The following FLT3 variants were observed in gnomAD, a reference collection of about 807,000 sequenced individuals.
FLT3 encodes the protein receptor-type tyrosine-protein kinase FLT3.
FLT3 carries 46 observed loss-of-function variants against 126.6 expected under a neutral mutation model. The observed-to-expected ratio is 0.36, with a 90% CI of 0.29 to 0.46. The LOEUF (loss-of-function observed/expected upper bound fraction) is 0.46. Among genes scored for constraint, FLT3 ranks in the 20% least tolerant of loss-of-function variants. FLT3 has a pLI of 1.00. For synonymous variants in FLT3, 404 were observed against 434.4 expected (o/e 0.93, Z 0.87); for missense variants, 1,069 against 1,190.3 (o/e 0.90, Z 1.50).
At chr13:28,045,277 C>T (rs758357316) in intron 9 of FLT3, among the ~76,000 whole-genome samples, 4 of 152,140 alleles carry the variant, frequency 2.6e-5, no homozygotes, top group Admixed American at 1.3e-4. Context: ...TACATTCTTG[C>T]GGGAGAGGGA....
chr13:28,037,327 G>C, intron 9 of FLT3, 39 bp from the exon 10 acceptor site: 1 of 1,225,632 alleles, frequency 8.2e-7, no homozygotes, highest in Non-Finnish European at 1.2e-6. Context: ...TAGCCCAATT[G>C]CTACAGGAGA....
chr13:28,037,589 C>G (rs527388638), intron 9 of FLT3, among the ~76,000 whole-genome samples: 13 of 152,270 alleles, frequency 8.5e-5, no homozygotes, highest in Middle Eastern at 3.4e-3. Flanking sequence ...GTCATATGCC[C>G]ATTGGGAGTT....
intron 9 of FLT3, among the ~76,000 whole-genome samples, chr13:28,046,930 T>C (rs1874938085): frequency 6.6e-6 from 1 of 152,104 alleles, no homozygotes; most frequent in Admixed American, 6.6e-5. Context: ...TTTTACATTC[T>C]TTTTTTCATA....
intron 1 of FLT3, among the ~76,000 whole-genome samples, chr13:28,092,282 T>A (rs1879162478): frequency 1.3e-5 from 2 of 151,956 alleles, no homozygotes; most frequent in African/African-American, 4.8e-5. Flanking sequence ...AAACCTCCAG[T>A]GTCACAGGAT....
At chr13:28,054,897 C>A (rs2137748656) in intron 4 of FLT3, among the ~76,000 whole-genome samples, 2 of 152,254 alleles carry the variant, frequency 1.3e-5, no homozygotes, top group South Asian at 4.2e-4. Context: ...AAATGAAATG[C>A]CTACTCATGT....
intron 20 of FLT3, among the ~76,000 whole-genome samples, 189 bp from the exon 21 acceptor site, chr13:28,015,890 A>G (rs925243252): frequency 2.0e-5 from 3 of 152,192 alleles, no homozygotes; most frequent in South Asian, 4.1e-4. Flanking sequence ...AGCCTAAAAC[A>G]TAAGGCATAT....
At chr13:28,006,651 C>T (rs1180932100) in intron 23 of FLT3, among the ~76,000 whole-genome samples, 5 of 151,996 alleles carry the variant, frequency 3.3e-5, no homozygotes, top group African/African-American at 1.2e-4. Context: ...GACAATCTCT[C>T]TCCACTCCCA....
chr13:28,059,634 C>T (rs1042198477), intron 3 of FLT3, among the ~76,000 whole-genome samples: 1 of 152,116 alleles, frequency 6.6e-6, no homozygotes, highest in African/African-American at 2.4e-5. Flanking sequence ...AAGCATTTCC[C>T]AAGAATAAAT....
Position 28,025,531 on chromosome 13 carries a change from C to T in FLT3, c.2208-588G>A, listed in dbSNP as rs577775203. Reference sequence around the variant, plus strand: ...TCACGATTCAATTTATTCTAATATACGAGTTTAACCCAATTTACAATTTAC... The same window carrying T: ...TCACGATTCAATTTATTCTAATATATGAGTTTAACCCAATTTACAATTTAC... On this transcript the variant is annotated intron_variant, in intron 17 of 23. Coordinates refer to ENST00000241453, the MANE Select transcript of FLT3 (RefSeq NM_004119.3). 1.6e-3 allele frequency: 498 copies of T among 315,210 alleles called. 3 individuals are homozygous for T. The highest frequency in any genetic ancestry group is 9.9e-3 in the African/African-American group (442 of 44,552). The allele number at this position is 315,210 out of a possible 1,614,324, so 19.5% of individuals were successfully genotyped here.
At position 28,050,108 on chromosome 13, in the gene FLT3, C is replaced by A. The variant is rs200522693; in HGVS notation, c.729G>T (p.Arg243Ser). 1.2e-6 allele frequency: 2 copies of A among 1,614,108 alleles called. No individual in the cohort carries two copies. The highest frequency in any genetic ancestry group is 1.7e-5 in the Admixed American group (1 of 60,012). Residue 243 changes from arginine to serine, a missense_variant, in exon 6 of 24, where the codon AGG (arginine) becomes AGT (serine). Transcript: ENST00000241453. The part of the protein sequence containing the change: ...ARNELGRECT[R>S]LFTIDLNQTP... ...TTATAGTGTTACCTATTGTGAACAG[C>A]CTGGTGCATTCCCTGCCCAGTTCAT...
In FLT3 at chr13:28,100,536, G is replaced by C; in HGVS notation, c.-26C>G. On this transcript the variant is annotated 5_prime_UTR_variant, in exon 1 of 24. Transcript: ENST00000241453. This position sits in a 1 kb window ranked among gnomAD's most constrained non-coding sequence, Gnocchi z 4.8. ...GGCCTCCGGAGCCCGGGGTCCCCAG[G>C]CCGCGCCGGCCCAGCCCTGCGATGC... 1 of 1,209,678 alleles carries C rather than the reference G, an allele frequency of 8.3e-7. No homozygotes were observed. The highest frequency in any genetic ancestry group is 1.0e-6 in the Non-Finnish European group (1 of 973,072). 74.9% of individuals were successfully genotyped at this position (1,209,678 alleles called of 1,614,324 possible). A position where few individuals can be genotyped will look rare whatever the true frequency, so the allele number is the denominator to read the frequency against.
intron 2 of FLT3, 76 bp downstream of exon 2, chr13:28,070,415 T>C (rs777934840): frequency 5.2e-5 from 66 of 1,260,450 alleles, no homozygotes; most frequent in Non-Finnish European, 7.1e-5. Context: ...CATTTAGCCA[T>C]GGTAGGCTTC....
At chr13:28,060,257 AT>A (rs1305444093) in intron 3 of FLT3, among the ~76,000 whole-genome samples, 2,934 of 147,828 alleles carry the variant, frequency 0.02, 97 homozygotes, top group African/African-American at 0.07. Context: ...AAAAAAAAAA[AT>A]GAAAACAAAA....
chr13:28,077,256 G>A (rs1467170656), intron 1 of FLT3, among the ~76,000 whole-genome samples: 2 of 152,070 alleles, frequency 1.3e-5, no homozygotes, highest in Non-Finnish European at 1.5e-5. Flanking sequence ...ATATTAGTCC[G>A]TTTTCACACT....
At chr13:28,049,571 GT>G in intron 7 of FLT3, 34 bp from the exon 8 acceptor site, 2 of 1,612,496 alleles carry the variant, frequency 1.2e-6, no homozygotes, top group Non-Finnish European at 1.7e-6. Context: ...TGCATTTAAT[GT>G]TTTCAATCCA....
At chr13:28,052,418 T>G (rs74395381) in intron 5 of FLT3, 127 bp downstream of exon 5, 46 of 1,026,170 alleles carry the variant, frequency 4.5e-5, no homozygotes, top group Non-Finnish European at 6.5e-5. Flanking sequence ...TTTTTTAACT[T>G]TAAGAAGCCA....
intron 19 of FLT3, among the ~76,000 whole-genome samples, chr13:28,018,968 CTTTT>C (rs371765349): frequency 3.6e-5 from 5 of 138,478 alleles, no homozygotes; most frequent in Admixed American, 7.4e-5. Context: ...CATCTCTTTT[CTTTT>C]TTTTTTTTTT....
chr13:28,047,116 C>T (rs1874954808), intron 9 of FLT3, among the ~76,000 whole-genome samples: 1 of 152,018 alleles, frequency 6.6e-6, no homozygotes, highest in Admixed American at 6.6e-5. Context: ...AGAGTCTGAG[C>T]GTTTTGCCCC....
At chr13:28,038,479 G>A (rs1460207240) in intron 9 of FLT3, among the ~76,000 whole-genome samples, 6 of 148,888 alleles carry the variant, frequency 4.0e-5, no homozygotes, top group Non-Finnish European at 7.4e-5. Flanking sequence ...TTGAGACAGA[G>A]TCTCGCTCTG....
Sources: gnomAD v4.1 joint callset for allele counts (sites outside exome capture counted in the v4.1 genomes callset) on GRCh38, gnomAD v4.1.1 for gene constraint, Gnocchi (gnomAD v3.1) non-coding constraint, MANE v1.5 for transcripts, NCBI Gene and HGNC (gene_info 2026-07-23, HGNC 2026-07-21) for gene names.